The following CACNG3 variants were observed in gnomAD, a reference collection of about 807,000 sequenced individuals.
CACNG3 encodes the protein voltage-dependent calcium channel gamma-3 subunit.
Under a neutral mutation model 28.5 loss-of-function variants are expected in CACNG3, and 3 were observed. The ratio of observed to expected loss-of-function variants is 0.11; its 90% confidence interval spans 0.05 to 0.27. The LOEUF is 0.27. Among genes scored for constraint, CACNG3 ranks in the 10% least tolerant of loss-of-function variants. CACNG3 has a pLI of 1.00. For missense variants in CACNG3, 236 were observed against 414.4 expected (o/e 0.57, Z 3.74); for synonymous variants, 174 against 162.2 (o/e 1.07, Z -0.55).
intron 1 of CACNG3, among the ~76,000 whole-genome samples, chr16:24,339,727 A>T (rs1463779718): frequency 6.6e-6 from 1 of 152,138 alleles, no homozygotes; most frequent in Non-Finnish European, 1.5e-5. Flanking sequence ...TCACCTGGAA[A>T]AATTGTAATT....
At chr16:24,351,976 C>A (rs1000089204) in intron 2 of CACNG3, among the ~76,000 whole-genome samples, 1 of 151,724 alleles carries the variant, frequency 6.6e-6, no homozygotes, top group Non-Finnish European at 1.5e-5. Context: ...CCACCACGCC[C>A]GGCTAATTTT....
At chr16:24,258,785 A>G (rs1477662638) in intron 1 of CACNG3, among the ~76,000 whole-genome samples, 1 of 152,260 alleles carries the variant, frequency 6.6e-6, no homozygotes. Flanking sequence ...AATGGCACAT[A>G]TGTATACAGT....
intron 1 of CACNG3, among the ~76,000 whole-genome samples, chr16:24,259,103 C>T (rs1006164040): frequency 3.9e-5 from 6 of 152,280 alleles, no homozygotes; most frequent in Non-Finnish European, 8.8e-5. Context: ...AAGACATAAC[C>T]TTGGGCAGGT....
intron 1 of CACNG3, among the ~76,000 whole-genome samples, chr16:24,258,387 G>A (rs549963783): frequency 1.3e-5 from 2 of 152,344 alleles, no homozygotes; most frequent in East Asian, 1.9e-4. Flanking sequence ...ATCATGTGAA[G>A]TCAGAAGACC....
chr16:24,257,372 AGAGAGAGAGAGAGAG>A (rs1898476146), intron 1 of CACNG3, among the ~76,000 whole-genome samples: 2 of 16,338 alleles, frequency 1.2e-4, no homozygotes, highest in African/African-American at 6.1e-4. Flanking sequence ...GAGGGGGGAG[AGAGAGAGAGAGAGAG>A]AGAGAGAGAG....
chr16:24,266,384 C>T (rs985733738), intron 1 of CACNG3, among the ~76,000 whole-genome samples: 22 of 152,084 alleles, frequency 1.4e-4, no homozygotes, highest in Admixed American at 1.3e-3. Context: ...CATGAATGGG[C>T]ACTTCTATGA....
At chr16:24,348,251 T>A (rs1899895901) in intron 2 of CACNG3, among the ~76,000 whole-genome samples, 12 of 151,610 alleles carry the variant, frequency 7.9e-5, no homozygotes, top group African/African-American at 7.3e-5. Context: ...TTTTTTTTTT[T>A]AATTATCCAG....
chr16:24,335,384 C>T (rs902359207), intron 1 of CACNG3, among the ~76,000 whole-genome samples: 3 of 152,326 alleles, frequency 2.0e-5, no homozygotes, highest in African/African-American at 7.2e-5. Flanking sequence ...CGCGCCACTG[C>T]ACTCCATTCT....
intron 1 of CACNG3, among the ~76,000 whole-genome samples, chr16:24,339,008 C>G (rs899975135): frequency 1.1e-4 from 16 of 152,196 alleles, no homozygotes; most frequent in African/African-American, 3.6e-4. Flanking sequence ...ACCTTCAGGT[C>G]TCAGCTTAGA....
chr16:24,267,644 T>C (rs767992849), intron 1 of CACNG3, among the ~76,000 whole-genome samples: 1 of 151,784 alleles, frequency 6.6e-6, no homozygotes, highest in Non-Finnish European at 1.5e-5. Context: ...TGCCTAGCAA[T>C]GATTATTGTG....
intron 1 of CACNG3, among the ~76,000 whole-genome samples, chr16:24,279,778 G>C (rs930518172): frequency 6.6e-6 from 1 of 152,172 alleles, no homozygotes; most frequent in African/African-American, 2.4e-5. Flanking sequence ...ATGAGCTCAA[G>C]GCACATCTAG....
At chr16:24,273,603 T>C (rs1400137844) in intron 1 of CACNG3, among the ~76,000 whole-genome samples, 1 of 152,354 alleles carries the variant, frequency 6.6e-6, no homozygotes, top group Middle Eastern at 3.4e-3. Context: ...TGAAAACCGA[T>C]GAACCTTATT....
At chr16:24,310,906 G>C (rs1193249164) in intron 1 of CACNG3, among the ~76,000 whole-genome samples, 1 of 152,184 alleles carries the variant, frequency 6.6e-6, no homozygotes, top group Non-Finnish European at 1.5e-5. Flanking sequence ...CTCTCAGTCA[G>C]TATGCACAAA....
chr16:24,256,625 G>C lies in CACNG3; in HGVS notation c.-130G>C, dbSNP rs1246946691. The stretch of plus-strand genomic sequence containing the variant: ...TCCCAGCTTTCCCAAAGTCCCTGTG[G>C]ATGCTGACAAAAGGAGACCTGAATT... On this transcript the variant is annotated 5_prime_UTR_variant, in exon 1 of 4. Coordinates refer to ENST00000005284, the MANE Select transcript of CACNG3 (RefSeq NM_006539.4). The surrounding 1 kb of genome is among the most constrained non-coding windows in gnomAD (Gnocchi z 4.6). 4.4e-6 allele frequency: 3 copies of C among 688,094 alleles called. No homozygotes were observed. Among genetic ancestry groups the C allele is most frequent in the Non-Finnish European group, 7.9e-6 (3 of 378,770 alleles). The allele number at this position is 688,094 out of a possible 1,614,324, so 42.6% of individuals were successfully genotyped here.
chr16:24,354,724 T>C lies in CACNG3; in HGVS notation c.296-109T>C. The C allele has an allele frequency of 5.4e-6, 6 of 1,105,180 alleles. No homozygotes were observed. In the South Asian group the frequency reaches 9.0e-5, roughly 17 times the overall value. 68.5% of individuals were successfully genotyped at this position (1,105,180 alleles called of 1,614,324 possible). A position where few individuals can be genotyped will look rare whatever the true frequency, so the allele number is the denominator to read the frequency against. ...TCTCATGCCCGTGTTAGACATGGGC[T>C]CTGTTCTCTTCCTGTGCTGCCTTCC... On this transcript the variant is annotated intron_variant, in intron 2 of 3. Transcript: ENST00000005284.
intron 1 of CACNG3, among the ~76,000 whole-genome samples, chr16:24,338,412 C>G (rs763762704): frequency 1.4e-4 from 22 of 152,070 alleles, no homozygotes; most frequent in Non-Finnish European, 2.4e-4. Context: ...GGCAAGATCT[C>G]GGCTCACTGC....
intron 1 of CACNG3, among the ~76,000 whole-genome samples, chr16:24,274,650 C>A (rs981051773): frequency 4.6e-5 from 7 of 152,106 alleles, no homozygotes; most frequent in Admixed American, 2.0e-4. Flanking sequence ...AAATCTTGGG[C>A]CTGACTTCAT....
intron 1 of CACNG3, among the ~76,000 whole-genome samples, chr16:24,279,913 GA>G (rs2141350683): frequency 1.3e-5 from 2 of 152,318 alleles, no homozygotes; most frequent in South Asian, 4.1e-4. Flanking sequence ...CACTCAAGTG[GA>G]GGTGTTAAAA....
intron 1 of CACNG3, among the ~76,000 whole-genome samples, chr16:24,280,821 CAAA>C (rs71154295): frequency 7.2e-5 from 4 of 55,646 alleles, no homozygotes; most frequent in South Asian, 1.1e-3. Context: ...GAGTTTGTCT[CAAA>C]AAAAAAAAAA....
Sources: gnomAD v4.1 joint callset for allele counts (sites outside exome capture counted in the v4.1 genomes callset) on GRCh38, gnomAD v4.1.1 for gene constraint, Gnocchi (gnomAD v3.1) non-coding constraint, MANE v1.5 for transcripts, NCBI Gene and HGNC (gene_info 2026-07-23, HGNC 2026-07-21) for gene names.